NCAM1: variants seen among roughly 807,000 people sequenced by gnomAD.
NCAM1 encodes antigen recognized by monoclonal antibody 5.1H11.
A neutral mutation model predicts 109.8 loss-of-function variants in NCAM1; 14 were observed. The observed-to-expected ratio is 0.13, with a 90% CI of 0.08 to 0.20. The LOEUF is 0.20. Ranked by LOEUF, NCAM1 falls within the 10% of genes least tolerant of loss-of-function variation. NCAM1 has a pLI of 1.00. For missense variants in NCAM1, 774 were observed against 1,109.9 expected, an observed-to-expected ratio of 0.70 and a Z score of 4.30; for synonymous variants, 418 against 442.9, an observed-to-expected ratio of 0.94 and a Z score of 0.70.
At chr11:113,071,722 C>A (rs1178494718) in intron 1 of NCAM1, among the ~76,000 whole-genome samples, 4 of 152,200 alleles carry the variant, frequency 2.6e-5, no homozygotes, top group Non-Finnish European at 4.4e-5. Context: ...ACCATGCCCC[C>A]AGCCTGTTGG....
intron 1 of NCAM1, among the ~76,000 whole-genome samples, chr11:113,015,963 A>T (rs1591249351): frequency 6.6e-6 from 1 of 152,276 alleles, no homozygotes; most frequent in African/African-American, 2.4e-5. Context: ...GCCTGATGTT[A>T]TCAGGTGTCG....
At chr11:113,186,131 A>T (rs1321106853) in intron 1 of NCAM1, among the ~76,000 whole-genome samples, 2 of 152,214 alleles carry the variant, frequency 1.3e-5, no homozygotes, top group African/African-American at 4.8e-5. Context: ...TCAGTCATTT[A>T]GGCCAGGGGT....
chr11:113,160,355 C>T (rs1555104144), intron 1 of NCAM1, among the ~76,000 whole-genome samples: 1 of 152,170 alleles, frequency 6.6e-6, no homozygotes, highest in African/African-American at 2.4e-5. Flanking sequence ...TTACCAACTG[C>T]CCCAGTTTCC....
intron 14 of NCAM1, among the ~76,000 whole-genome samples, chr11:113,244,664 T>C (rs1275977498): frequency 2.0e-5 from 3 of 146,738 alleles, no homozygotes; most frequent in Non-Finnish European, 4.6e-5. Flanking sequence ...CGTGTGTGTG[T>C]GTGTGTGTGT....
At chr11:113,020,628 A>G (rs1364581473) in intron 1 of NCAM1, among the ~76,000 whole-genome samples, 1 of 152,218 alleles carries the variant, frequency 6.6e-6, no homozygotes, top group Non-Finnish European at 1.5e-5. Flanking sequence ...GTTTGCTTCC[A>G]GAAGGAGATA....
At chr11:113,215,089 A>G (rs571071734) in intron 8 of NCAM1, among the ~76,000 whole-genome samples, 3 of 152,296 alleles carry the variant, frequency 2.0e-5, no homozygotes, top group East Asian at 3.9e-4. Context: ...TGGTTTTTCA[A>G]TATATTCATG....
intron 1 of NCAM1, among the ~76,000 whole-genome samples, chr11:113,046,240 T>C (rs1003128471): frequency 6.6e-6 from 1 of 152,214 alleles, no homozygotes. Flanking sequence ...GGCATTAATA[T>C]CACCTTGTTT....
chr11:113,211,858 C>T (rs1465026591), intron 7 of NCAM1, among the ~76,000 whole-genome samples: 10 of 152,118 alleles, frequency 6.6e-5, no homozygotes, highest in African/African-American at 2.4e-4. Flanking sequence ...TAGTGGCAAG[C>T]ATTCTTGGAA....
chr11:113,126,188 T>C (rs970882641), intron 1 of NCAM1, among the ~76,000 whole-genome samples: 1 of 150,098 alleles, frequency 6.7e-6, no homozygotes, highest in Non-Finnish European at 1.5e-5. Flanking sequence ...AATAAAACCC[T>C]CCCCTACCCT....
intron 18 of NCAM1, 79 bp downstream of exon 18, chr11:113,270,474 C>T: frequency 3.7e-6 from 5 of 1,350,142 alleles, no homozygotes; most frequent in East Asian, 2.4e-5. Flanking sequence ...CCACCCTGCG[C>T]CATCAGCTGG....
intron 1 of NCAM1, among the ~76,000 whole-genome samples, chr11:113,096,969 A>C (rs1039820470): frequency 6.6e-6 from 1 of 151,974 alleles, no homozygotes; most frequent in Non-Finnish European, 1.5e-5. Context: ...GCTCCCTTCC[A>C]TGCCAGACCC....
chr11:113,225,754 C>T (rs1363731440), intron 9 of NCAM1, among the ~76,000 whole-genome samples: 1 of 152,182 alleles, frequency 6.6e-6, no homozygotes, highest in Non-Finnish European at 1.5e-5. Context: ...TTCTACAAGC[C>T]AGAAGAGAGT....
intron 1 of NCAM1, among the ~76,000 whole-genome samples, chr11:113,114,368 C>T (rs138629917): frequency 2.4e-4 from 36 of 152,278 alleles, no homozygotes; most frequent in African/African-American, 8.7e-4. Context: ...CATTGGTAAC[C>T]AGGAGACAAG....
At chr11:112,985,456 G>A (rs1043532189) in intron 1 of NCAM1, among the ~76,000 whole-genome samples, 1 of 151,808 alleles carries the variant, frequency 6.6e-6, no homozygotes, top group Non-Finnish European at 1.5e-5. Flanking sequence ...GATAGTGATT[G>A]CATTGAATCT....
intron 1 of NCAM1, among the ~76,000 whole-genome samples, chr11:113,066,477 T>C (rs1013969677): frequency 2.0e-5 from 3 of 152,158 alleles, no homozygotes; most frequent in African/African-American, 7.2e-5. Flanking sequence ...AGTGTTTTCC[T>C]AGGATCACTC....
At chr11:113,003,723 C>T (rs1358580619) in intron 1 of NCAM1, 1 of 152,192 alleles carries the variant, frequency 6.6e-6, no homozygotes, top group Non-Finnish European at 1.5e-5. Flanking sequence ...TTACAACACA[C>T]ACATATTGAA....
At chr11:112,975,203 C>G (rs1416512825) in intron 1 of NCAM1, among the ~76,000 whole-genome samples, 1 of 152,006 alleles carries the variant, frequency 6.6e-6, no homozygotes, top group Non-Finnish European at 1.5e-5. Flanking sequence ...TTCCACATTT[C>G]TTTGATAGAA....
intron 1 of NCAM1, among the ~76,000 whole-genome samples, chr11:113,153,453 T>TGAGTGA (rs139651919): frequency 3.5e-5 from 5 of 141,174 alleles, no homozygotes; most frequent in African/African-American, 1.3e-4. Flanking sequence ...AGACAGAGAG[T>TGAGTGA]GAGAGAGAGA....
intron 1 of NCAM1, among the ~76,000 whole-genome samples, chr11:113,014,162 C>T (rs1591247543): frequency 6.6e-6 from 1 of 152,088 alleles, no homozygotes; most frequent in East Asian, 1.9e-4. Flanking sequence ...ATTTAAAAGG[C>T]ATTTTGGGTT....
Sources: allele counts gnomAD v4.1 joint callset (sites outside exome capture counted in the v4.1 genomes callset), GRCh38; gene constraint gnomAD v4.1.1; transcripts MANE v1.5; gene names NCBI Gene and HGNC (gene_info 2026-07-23, HGNC 2026-07-21).